The following CTSZ variants were observed in gnomAD, a reference collection of about 807,000 sequenced individuals.
CTSZ encodes the protein cathepsin Z, also known as carboxypeptidase LB.
A neutral mutation model predicts 32.4 loss-of-function variants in CTSZ; 39 were observed. The observed-to-expected ratio is 1.20, with a 90% CI of 0.93 to 1.57. CTSZ has a LOEUF of 1.57. Among genes scored for constraint, CTSZ ranks in the 40% most tolerant of loss-of-function variants. The pLI is 0.00. For missense variants in CTSZ, 397 were observed against 419.6 expected (o/e 0.95, Z 0.47); for synonymous variants, 168 against 170.1 (o/e 0.99, Z 0.10).
intron 4 of CTSZ, 56 bp from the exon 5 acceptor site, chr20:58,996,857 T>A: frequency 1.3e-6 from 2 of 1,587,256 alleles, no homozygotes; most frequent in South Asian, 2.3e-5. Flanking sequence ...TTTACCGTCA[T>A]TAGAAATAAT....
At chr20:59,001,442 T>C (rs769160372) in intron 3 of CTSZ, 23 bp downstream of exon 3, 4 of 1,588,026 alleles carry the variant, frequency 2.5e-6, no homozygotes, top group Non-Finnish European at 3.4e-6. Context: ...GAGGGTGGAG[T>C]GGGGGCACGG....
At chr20:59,001,404 G>A (rs6100302) in intron 3 of CTSZ, 61 bp downstream of exon 3, 7 of 1,526,032 alleles carry the variant, frequency 4.6e-6, no homozygotes, top group Non-Finnish European at 6.2e-6. Context: ...CAGCCACGAA[G>A]GCCTGTGGAA....
chr20:59,001,515 T>G lies in CTSZ; in HGVS notation c.437A>C (p.Gln146Pro). The G allele has an allele frequency of 6.2e-7, 1 of 1,614,082 alleles. No individual in the cohort carries two copies. The highest frequency in any genetic ancestry group is 8.5e-7 in the Non-Finnish European group (1 of 1,179,930). ...NDLSVWDYAH[Q>P]HGIPDETCNN... ...GCAGGTCTCGTCAGGGATGCCGTGCTGGTGGGCGTAGTCCCACACGGACAG... is the reference window on the plus strand; with the variant it reads ...GCAGGTCTCGTCAGGGATGCCGTGCGGGTGGGCGTAGTCCCACACGGACAG... The change falls in exon 3 of 6, where the codon CAG (glutamine) becomes CCG (proline). Residue 146 changes from glutamine to proline, a missense_variant. Gln to Pro is a moderately conservative substitution (Grantham distance 76). Transcript: ENST00000217131.
intron 3 of CTSZ, among the ~76,000 whole-genome samples, chr20:58,999,327 C>A (rs958859432): frequency 2.6e-5 from 4 of 152,134 alleles, no homozygotes; most frequent in Admixed American, 2.6e-4. Flanking sequence ...TGAGCCACCG[C>A]GGTCACCAGT....
Sources: allele counts gnomAD v4.1 joint callset (sites outside exome capture counted in the v4.1 genomes callset), GRCh38; gene constraint gnomAD v4.1.1; transcripts MANE v1.5; gene names NCBI Gene and HGNC (gene_info 2026-07-23, HGNC 2026-07-21).